Variants in MAP2K2 observed in about 807,000 individuals in gnomAD.
The protein encoded by MAP2K2 is mitogen-activated protein kinase kinase 2.
A neutral mutation model predicts 43.7 loss-of-function variants in MAP2K2; 24 were observed. The observed-to-expected ratio is 0.55, with a 90% CI of 0.40 to 0.77. MAP2K2 has a LOEUF of 0.77. Ranked by LOEUF, MAP2K2 falls within the 30% of genes least tolerant of loss-of-function variation. MAP2K2 has a pLI of 0.00. For missense variants in MAP2K2, 470 were observed against 566.8 expected (o/e 0.83, Z 1.73); for synonymous variants, 244 against 239.7 (o/e 1.02, Z -0.17).
At position 4,123,870 on chromosome 19, in the gene MAP2K2, C is replaced by T. The variant is rs2041336531; in HGVS notation, c.6G>A (p.Leu2=). 2.0e-6 allele frequency: 3 copies of T among 1,483,314 alleles called. No individual in the cohort carries two copies. Among genetic ancestry groups the T allele is most frequent in the East Asian group, 5.6e-5 (2 of 35,672 alleles). The allele number at this position is 1,483,314 out of a possible 1,614,324, so 91.9% of individuals were successfully genotyped here. The change falls in exon 1 of 11, where the codon CTG becomes CTA. Residue 2 remains leucine, a synonymous_variant. Coordinates refer to ENST00000262948, the MANE Select transcript of MAP2K2 (RefSeq NM_030662.4). Reference sequence around the variant, plus strand: ...CCGGCAGCACCGGCTTCCTCCGGGCCAGCATCGGGGCTCCGCGGGCCGGCG... The same window carrying T: ...CCGGCAGCACCGGCTTCCTCCGGGCTAGCATCGGGGCTCCGCGGGCCGGCG... The part of the protein sequence containing the change: M[L]ARRKPVLPAL...
chr19:4,102,725 G>A (rs2041032053), intron 3 of MAP2K2: 2 of 1,279,946 alleles, frequency 1.6e-6, no homozygotes, highest in African/African-American at 1.5e-5. Flanking sequence ...CGGCCCTCCT[G>A]AGGTCGCCAC....
At chr19:4,095,323 A>G in intron 9 of MAP2K2, 65 bp downstream of exon 9, 1 of 1,457,478 alleles carries the variant, frequency 6.9e-7, no homozygotes. Context: ...GGCCCCACCC[A>G]GGACCCGGAA....
intron 3 of MAP2K2, among the ~76,000 whole-genome samples, chr19:4,106,198 G>C (rs1182679632): frequency 6.6e-6 from 1 of 152,102 alleles, no homozygotes; most frequent in Non-Finnish European, 1.5e-5. Context: ...TTGTGGCCAG[G>C]AGTTCAAGAC....
chr19:4,119,055 G>C (rs183530729), intron 1 of MAP2K2, among the ~76,000 whole-genome samples: 18 of 152,210 alleles, frequency 1.2e-4, no homozygotes, highest in Admixed American at 1.1e-3. Flanking sequence ...TTTATTTAGA[G>C]ACAGGGTCCT....
At chr19:4,118,413 T>C (rs1194632552) in intron 1 of MAP2K2, among the ~76,000 whole-genome samples, 1 of 152,002 alleles carries the variant, frequency 6.6e-6, no homozygotes. Flanking sequence ...GGCAGAAGGC[T>C]CAGCACAAAA....
intron 10 of MAP2K2, among the ~76,000 whole-genome samples, chr19:4,094,099 G>C (rs2040880585): frequency 6.6e-6 from 1 of 152,154 alleles, no homozygotes; most frequent in South Asian, 2.1e-4. Context: ...TAGTTTGCAG[G>C]GAAAGGAGCC....
chr19:4,094,674 G>T, intron 9 of MAP2K2, 176 bp from the exon 10 acceptor site: 1 of 644,934 alleles, frequency 1.6e-6, no homozygotes, highest in Non-Finnish European at 2.8e-6. Flanking sequence ...GAGGACGAGG[G>T]ATCCACCTCT....
rs192806364 is a variant in MAP2K2 at position 4,116,165 on chromosome 19, G to A, written c.303+1254C>T. ...TTAAGATGTGATTAACCTTTAAATT[G>A]GCAGACTCTGAGCAAAGCAGATTAC... On this transcript the variant is annotated intron_variant, in intron 2 of 10. Coordinates refer to ENST00000262948, the MANE Select transcript of MAP2K2 (RefSeq NM_030662.4). Among the ~76,000 whole-genome samples, 5 of 152,230 alleles carry A rather than the reference G, an allele frequency of 3.3e-5. No individual in the cohort carries two copies. The South Asian group carries it at 8.3e-4, about 25-fold the overall frequency.
chr19:4,103,241 G>A (rs1183627204), intron 3 of MAP2K2: 3 of 985,876 alleles, frequency 3.0e-6, no homozygotes, highest in Non-Finnish European at 3.6e-6. Context: ...TGGGTAGGCT[G>A]GTCCCCGGGT....
rs1290308435 is a variant in MAP2K2, at chr19:4,123,771, C to G, written c.92+13G>C. On this transcript the variant is annotated intron_variant, in intron 1 of 10. Transcript: ENST00000262948. ...GTGCACCCCAAGCCTCCGGCTGACC[C>G]CTGCCCACTCACTCGGAGGCGCCCT... 6.5e-7 allele frequency: 1 copy of G among 1,539,720 alleles called. No individual in the cohort carries two copies.
At chr19:4,100,950 C>T in intron 6 of MAP2K2, 69 bp downstream of exon 6, 2 of 1,507,396 alleles carry the variant, frequency 1.3e-6, no homozygotes. Context: ...GCTGGCAGAG[C>T]TGGGTGGGGA....
intron 2 of MAP2K2, among the ~76,000 whole-genome samples, chr19:4,112,607 C>T (rs1166280497): frequency 3.3e-5 from 5 of 152,116 alleles, no homozygotes; most frequent in Non-Finnish European, 5.9e-5. Context: ...CCCGCCCGGC[C>T]GCTCCTCAGG....
intron 1 of MAP2K2, among the ~76,000 whole-genome samples, chr19:4,119,930 G>A (rs573291832): frequency 3.5e-4 from 53 of 152,270 alleles, no homozygotes; most frequent in Non-Finnish European, 5.6e-4. Context: ...CGTAAGCCAC[G>A]GGGCACACAG....
chr19:4,117,411 G>T lies in MAP2K2; in HGVS notation c.303+8C>A. 6.2e-7 allele frequency: 1 copy of T among 1,611,288 alleles called. No homozygotes were observed. The highest frequency in any genetic ancestry group is 8.5e-7 in the Non-Finnish European group (1 of 1,179,630). On this transcript the variant is annotated splice_region_variant and intron_variant, in intron 2 of 10. Transcript: ENST00000262948. The stretch of plus-strand genomic sequence containing the variant: ...ACTCCCCGACCTCCCCGACCCCGCA[G>T]TGCTCACCTTCCTGGCCATGATGAG...
chr19:4,121,021 G>A (rs1019155624), intron 1 of MAP2K2, among the ~76,000 whole-genome samples: 2 of 152,028 alleles, frequency 1.3e-5, no homozygotes, highest in Non-Finnish European at 1.5e-5. Context: ...GGGTCACACC[G>A]CAGGCACGGC....
At position 4,115,632 on chromosome 19, in the gene MAP2K2, G is replaced by T. The variant is rs2041211045; in HGVS notation, c.303+1787C>A. Among the ~76,000 whole-genome samples, 1 of 152,208 alleles carries T rather than the reference G, an allele frequency of 6.6e-6. No individual in the cohort carries two copies. Among genetic ancestry groups the T allele is most frequent in the South Asian group, 2.1e-4 (1 of 4,830 alleles). Reference sequence around the variant, plus strand: ...GTCCGCGGCTGCACACTTCAGGAGGGAGGGAGGGCAGCACTCTAGAGGCCA... The same window carrying T: ...GTCCGCGGCTGCACACTTCAGGAGGTAGGGAGGGCAGCACTCTAGAGGCCA... On this transcript the variant is annotated intron_variant, in intron 2 of 10. Coordinates refer to ENST00000262948, the MANE Select transcript of MAP2K2 (RefSeq NM_030662.4). This position sits in a 1 kb window ranked among gnomAD's most constrained non-coding sequence, Gnocchi z 4.1.
chr19:4,116,941 T>C (rs943877471), intron 2 of MAP2K2, among the ~76,000 whole-genome samples: 2 of 151,738 alleles, frequency 1.3e-5, no homozygotes, highest in Admixed American at 6.6e-5. Context: ...AAAGTAAAAA[T>C]AAAAATAAAA....
chr19:4,099,154 G>C (rs1209090259), intron 7 of MAP2K2, 47 bp downstream of exon 7: 1 of 1,512,426 alleles, frequency 6.6e-7, no homozygotes. Flanking sequence ...CAGGCCCCGC[G>C]CAGGGCACTG....
At chr19:4,108,390 G>A (rs1347963169) in intron 3 of MAP2K2, among the ~76,000 whole-genome samples, 5 of 151,054 alleles carry the variant, frequency 3.3e-5, no homozygotes, top group African/African-American at 4.9e-5. Flanking sequence ...ACAGGCACCC[G>A]CCACCATGCC....
Sources: allele counts gnomAD v4.1 joint callset (sites outside exome capture counted in the v4.1 genomes callset), GRCh38; gene constraint gnomAD v4.1.1; non-coding constraint Gnocchi (gnomAD v3.1); transcripts MANE v1.5; gene names NCBI Gene and HGNC (gene_info 2026-07-23, HGNC 2026-07-21).